Variants in WDR6 observed in about 807,000 individuals in gnomAD.
WDR6 encodes tRNA (34-2'-O)-methyltransferase regulator WDR6.
Under a neutral mutation model 85.6 loss-of-function variants are expected in WDR6, and 58 were observed. That is an observed-to-expected ratio of 0.68 (90% CI 0.55 to 0.84). The LOEUF is 0.84. Among genes scored for constraint, WDR6 ranks in the 40% least tolerant of loss-of-function variants. The pLI is 0.00. For missense variants in WDR6, 1,310 were observed against 1,476.4 expected (o/e 0.89, Z 1.85); for synonymous variants, 569 against 582.2 (o/e 0.98, Z 0.33).
At position 49,013,587 on chromosome 3, in the gene WDR6, C is replaced by T; in HGVS notation, c.2053C>T (p.Leu685=). ...TGGGGATGTCATGCTGTACAGGGCT[C>T]TGGGTGGCTGCACCCGGCCACACGT... ...KDGDVMLYRA[L]GGCTRPHVIL... is the part of the protein sequence containing the mutation. Residue 685 remains leucine, a synonymous_variant, in exon 2 of 6, where the codon CTG becomes TTG. Coordinates refer to ENST00000608424, the MANE Select transcript of WDR6 (RefSeq NM_018031.6). The surrounding 1 kb of genome is among the most constrained non-coding windows in gnomAD (Gnocchi z 4.6). The T allele has an allele frequency of 6.2e-7, 1 of 1,614,120 alleles. No individual in the cohort carries two copies. Among genetic ancestry groups the T allele is most frequent in the Non-Finnish European group, 8.5e-7 (1 of 1,180,016 alleles).
chr3:49,015,394 G>A lies in WDR6; in HGVS notation c.*106G>A. ...TGCTCAGCATGCCTTGAGGGGAGGAGGTGGTGGCCGTGGGTTCCTGATGTC... is the reference window on the plus strand; with the variant it reads ...TGCTCAGCATGCCTTGAGGGGAGGAAGTGGTGGCCGTGGGTTCCTGATGTC... On this transcript the variant is annotated 3_prime_UTR_variant, in exon 6 of 6. Coordinates refer to ENST00000608424, the MANE Select transcript of WDR6 (RefSeq NM_018031.6). 1 of 1,461,800 alleles carries A rather than the reference G, an allele frequency of 6.8e-7. No individual in the cohort carries two copies. Among genetic ancestry groups the A allele is most frequent in the Non-Finnish European group, 9.3e-7 (1 of 1,077,570 alleles). 90.6% of individuals were successfully genotyped at this position (1,461,800 alleles called of 1,614,324 possible). A position where few individuals can be genotyped will look rare whatever the true frequency, so the allele number is the denominator to read the frequency against.
At position 49,007,592 on chromosome 3, in the gene WDR6, G is replaced by C. The variant is rs2092990294; in HGVS notation, c.100+61G>C. The C allele has an allele frequency of 6.5e-7, 1 of 1,527,726 alleles. No individual in the cohort carries two copies. The highest frequency in any genetic ancestry group is 8.8e-7 in the Non-Finnish European group (1 of 1,130,650). The allele number at this position is 1,527,726 out of a possible 1,614,324, so 94.6% of individuals were successfully genotyped here. A position where few individuals can be genotyped will look rare whatever the true frequency, so the allele number is the denominator to read the frequency against. Reference sequence around the variant, plus strand: ...GGGAAAGAAACAGCGCCTCCCAGGGGCGGTGCCACAGGGACAAAAGGGGTG... The same window carrying C: ...GGGAAAGAAACAGCGCCTCCCAGGGCCGGTGCCACAGGGACAAAAGGGGTG... On this transcript the variant is annotated intron_variant, in intron 1 of 5. Coordinates refer to ENST00000608424, the MANE Select transcript of WDR6 (RefSeq NM_018031.6). This position sits in a 1 kb window ranked among gnomAD's most constrained non-coding sequence, Gnocchi z 5.1.
Position 49,015,047 on chromosome 3 carries a change from G to A in WDR6, c.3125G>A (p.Cys1042Tyr), listed in dbSNP as rs2093045037. 6.2e-7 allele frequency: 1 copy of A among 1,614,132 alleles called. No individual in the cohort carries two copies. The highest frequency in any genetic ancestry group is 8.5e-7 in the Non-Finnish European group (1 of 1,180,030). ...GTGCTAGAGGAATACTCTGTCCCCT[G>A]TGCACATGCTGCCCATGTGACAGGC... ...LRVLEEYSVP[C>Y]AHAAHVTGLK... is the part of the protein sequence containing the mutation. Residue 1042 changes from cysteine to tyrosine, a missense_variant, in exon 6 of 6, where the codon TGT becomes TAT. Cys to Tyr is a radical substitution (Grantham distance 194). Coordinates refer to ENST00000608424, the MANE Select transcript of WDR6 (RefSeq NM_018031.6).
Sources: gnomAD v4.1 joint callset for allele counts on GRCh38, gnomAD v4.1.1 for gene constraint, Gnocchi (gnomAD v3.1) non-coding constraint, MANE v1.5 for transcripts, NCBI Gene and HGNC (gene_info 2026-07-23, HGNC 2026-07-21) for gene names.